The following SORCS2 variants were observed in gnomAD, a reference collection of about 807,000 sequenced individuals.
SORCS2 encodes VPS10 domain-containing receptor SorCS2.
SORCS2 carries 100 observed loss-of-function variants against 141.6 expected under a neutral mutation model. The observed-to-expected ratio is 0.71, with a 90% CI of 0.60 to 0.83. SORCS2 has a LOEUF of 0.83. Ranked by LOEUF, SORCS2 falls within the 40% of genes least tolerant of loss-of-function variation. The pLI, the probability that SORCS2 is intolerant of heterozygous loss-of-function variation, is 0.00. For missense variants in SORCS2, 1,646 were observed against 1,560.2 expected, an observed-to-expected ratio of 1.05 and a Z score of -0.93; for synonymous variants, 789 against 676.9, an observed-to-expected ratio of 1.17 and a Z score of -2.57.
At chr4:7,444,196 T>C (rs1305727223) in intron 2 of SORCS2, among the ~76,000 whole-genome samples, 1 of 152,252 alleles carries the variant, frequency 6.6e-6, no homozygotes, top group Admixed American at 6.5e-5. Context: ...TGCTGAGTGC[T>C]ATTCTAGGTC....
chr4:7,199,769 C>T (rs1323017906), intron 1 of SORCS2, among the ~76,000 whole-genome samples: 1 of 152,060 alleles, frequency 6.6e-6, no homozygotes, highest in African/African-American at 2.4e-5. Flanking sequence ...GTGGATCCCC[C>T]ATGTTCTGTC....
At chr4:7,676,492 G>T (rs564160031) in intron 9 of SORCS2, among the ~76,000 whole-genome samples, 3 of 152,324 alleles carry the variant, frequency 2.0e-5, no homozygotes, top group Admixed American at 1.3e-4. Context: ...GTCATGAGAA[G>T]AATGGAATTC....
intron 5 of SORCS2, among the ~76,000 whole-genome samples, chr4:7,657,408 T>C (rs917806593): frequency 2.0e-5 from 3 of 150,266 alleles, no homozygotes; most frequent in African/African-American, 4.9e-5. Context: ...GAGTGTGTGA[T>C]TGAGTGAGGG....
In SORCS2 at chr4:7,679,872, C is replaced by A. The variant is rs79327247; in HGVS notation, c.1342-2871C>A. On this transcript the variant is annotated intron_variant, in intron 9 of 26. Transcript: ENST00000507866. ...CAGCCAATCAGACCCACCCGGGGGC[C>A]TTGGCCTATATCTGGATCCGTGTTA... is the stretch of plus-strand genomic sequence containing the variant. Among the ~76,000 whole-genome samples, 1,271 of 152,138 alleles carry A rather than the reference C, an allele frequency of 8.4e-3. 17 individuals are homozygous for A. Among genetic ancestry groups the A allele is most frequent in the Middle Eastern group, 0.027 (8 of 292 alleles).
chr4:7,726,750 A>G (rs768297715), intron 20 of SORCS2, 30 bp from the exon 21 acceptor site: 21 of 1,607,528 alleles, frequency 1.3e-5, no homozygotes, highest in Non-Finnish European at 1.6e-5. Flanking sequence ...TCACTCGGCC[A>G]GGCCCCTAAG....
Position 7,452,263 on chromosome 4 carries a change from C to T in SORCS2, c.548+55908C>T, listed in dbSNP as rs570857129. On this transcript the variant is annotated intron_variant, in intron 2 of 26. Transcript: ENST00000507866. Reference sequence around the variant, plus strand: ...TCAGGCAATTCGCCTGCCTCAGCCTCCTGAGTGGCTGGGATTACAGGCATA... The same window carrying T: ...TCAGGCAATTCGCCTGCCTCAGCCTTCTGAGTGGCTGGGATTACAGGCATA... Among the ~76,000 whole-genome samples, 8 of 152,244 alleles carry T rather than the reference C, an allele frequency of 5.3e-5. No individual in the cohort carries two copies. The East Asian group carries it at 1.4e-3, about 26-fold the overall frequency.
At chr4:7,202,085 G>T (rs1577269332) in intron 1 of SORCS2, among the ~76,000 whole-genome samples, 1 of 139,630 alleles carries the variant, frequency 7.2e-6, no homozygotes, top group Non-Finnish European at 1.5e-5. Context: ...GGAATGCCCT[G>T]TACCTCTCTC....
At chr4:7,340,065 G>C (rs1008583534) in intron 1 of SORCS2, among the ~76,000 whole-genome samples, 2 of 152,236 alleles carry the variant, frequency 1.3e-5, no homozygotes, top group Non-Finnish European at 2.9e-5. Flanking sequence ...CACTGGCCCA[G>C]GTGCTGGGGC....
intron 9 of SORCS2, among the ~76,000 whole-genome samples, chr4:7,680,425 T>A (rs950085634): frequency 1.3e-5 from 2 of 152,210 alleles, no homozygotes; most frequent in African/African-American, 4.8e-5. Context: ...TGGTACCACA[T>A]CTCACAAAGA....
intron 2 of SORCS2, among the ~76,000 whole-genome samples, chr4:7,474,972 C>G (rs1300403594): frequency 2.6e-5 from 4 of 152,132 alleles, no homozygotes; most frequent in Admixed American, 6.5e-5. Context: ...ACATGACTGT[C>G]CCTGCTGTGT....
intron 5 of SORCS2, 49 bp from the exon 6 acceptor site, chr4:7,661,451 G>A (rs939134444): frequency 6.5e-6 from 10 of 1,542,326 alleles, no homozygotes; most frequent in African/African-American, 4.1e-5. Flanking sequence ...GCTGGGGGAC[G>A]GGCATGGTGA....
At chr4:7,337,746 T>A (rs565347562) in intron 1 of SORCS2, among the ~76,000 whole-genome samples, 1 of 152,318 alleles carries the variant, frequency 6.6e-6, no homozygotes, top group South Asian at 2.1e-4. Flanking sequence ...AGCCAATGCG[T>A]GCAGTGAAGT....
chr4:7,448,307 G>C (rs190496886), intron 2 of SORCS2, among the ~76,000 whole-genome samples: 1 of 152,166 alleles, frequency 6.6e-6, no homozygotes, highest in East Asian at 1.9e-4. Flanking sequence ...GGCGTGCTTA[G>C]GGCCCTGCGC....
intron 4 of SORCS2, 34 bp from the exon 5 acceptor site, chr4:7,654,100 G>C: frequency 6.5e-7 from 1 of 1,547,116 alleles, no homozygotes; most frequent in South Asian, 1.2e-5. Flanking sequence ...CTGACGTCCT[G>C]ACCAAGCTTT....
chr4:7,267,111 A>C (rs9995774), intron 1 of SORCS2, among the ~76,000 whole-genome samples: 12,949 of 152,150 alleles, frequency 0.085, 1,833 homozygotes, highest in African/African-American at 0.29. Flanking sequence ...TTATTGCATG[A>C]ATCAGTGAAT....
intron 20 of SORCS2, 31 bp downstream of exon 20, chr4:7,725,318 C>T (rs1214452339): frequency 6.2e-7 from 1 of 1,600,754 alleles, no homozygotes; most frequent in South Asian, 1.1e-5. Context: ...CTCAGCCCTT[C>T]TTCCCGCAGG....
intron 25 of SORCS2, 133 bp downstream of exon 25, chr4:7,734,507 G>A (rs1711997243): frequency 1.6e-6 from 1 of 636,840 alleles, no homozygotes; most frequent in Admixed American, 3.4e-5. Flanking sequence ...GTTTGTGCCT[G>A]TGATGGGCTG....
chr4:7,203,146 T>C (rs62292387), intron 1 of SORCS2, among the ~76,000 whole-genome samples: 24,597 of 152,284 alleles, frequency 0.16, 2,078 homozygotes, highest in South Asian at 0.28. Context: ...AAATTCTTTT[T>C]GCTGGCTGGG....
intron 2 of SORCS2, among the ~76,000 whole-genome samples, chr4:7,403,990 TA>T (rs1560256867): frequency 9.6e-4 from 7 of 7,266 alleles, no homozygotes; most frequent in East Asian, 4.5e-3. Flanking sequence ...TATATATATA[TA>T]TATATATTTT....
Sources: gnomAD v4.1 joint callset for allele counts (sites outside exome capture counted in the v4.1 genomes callset) on GRCh38, gnomAD v4.1.1 for gene constraint, MANE v1.5 for transcripts, NCBI Gene and HGNC (gene_info 2026-07-23, HGNC 2026-07-21) for gene names.